Variants in PALLD observed in about 807,000 individuals in gnomAD.
PALLD encodes the protein palladin, cytoskeletal associated protein, also known as palladin.
PALLD carries 61 observed loss-of-function variants against 123.5 expected under a neutral mutation model. The ratio of observed to expected loss-of-function variants is 0.49; its 90% CI spans 0.40 to 0.61. The LOEUF is 0.61. Among genes scored for constraint, PALLD ranks in the 20% least tolerant of loss-of-function variants. The pLI is 0.00. For missense variants in PALLD, 1,273 were observed against 1,377.0 expected, an observed-to-expected ratio of 0.92 and a Z score of 1.20; for synonymous variants, 465 against 496.4, an observed-to-expected ratio of 0.94 and a Z score of 0.84.
chr4:168,574,392 T>G (rs1769312734), intron 2 of PALLD, among the ~76,000 whole-genome samples: 1 of 152,166 alleles, frequency 6.6e-6, no homozygotes, highest in Non-Finnish European at 1.5e-5. Flanking sequence ...GGTTAAAATG[T>G]TCCAGTAGCT....
rs1003768173 is a variant in PALLD at position 168,739,563 on chromosome 4, G to T, written c.1964+27640G>T. ...ATATTTCAGAATAGCTAGTAGACAG[G>T]ATTTGAAATGTTCCCAACACAGAAA... On this transcript the variant is annotated intron_variant, in intron 10 of 21. Transcript: ENST00000505667. Among the ~76,000 whole-genome samples the T allele has an allele frequency of 1.2e-4, 18 of 152,302 alleles. No homozygotes were observed. The Middle Eastern group carries it at 0.01, about 86-fold the overall frequency.
chr4:168,536,985 G>A (rs1310969020), intron 2 of PALLD, among the ~76,000 whole-genome samples: 2 of 151,980 alleles, frequency 1.3e-5, no homozygotes, highest in South Asian at 2.1e-4. Flanking sequence ...CTGCCACCAC[G>A]CCCGGCTAAT....
chr4:168,757,172 G>GTT (rs1469515288), intron 10 of PALLD, among the ~76,000 whole-genome samples: 1 of 152,202 alleles, frequency 6.6e-6, no homozygotes, highest in East Asian at 1.9e-4. Flanking sequence ...ACAAACAGAT[G>GTT]TTTCAAGGAA....
At chr4:168,605,809 G>A (rs889247554) in intron 2 of PALLD, among the ~76,000 whole-genome samples, 4 of 152,210 alleles carry the variant, frequency 2.6e-5, no homozygotes, top group African/African-American at 7.2e-5. Flanking sequence ...TGTAAGTAGT[G>A]TAAAAGATAT....
At chr4:168,565,660 C>T (rs946260058) in intron 2 of PALLD, among the ~76,000 whole-genome samples, 18 of 152,224 alleles carry the variant, frequency 1.2e-4, no homozygotes, top group African/African-American at 4.3e-4. Context: ...TGCAGATTTA[C>T]ACTCCGAGAA....
chr4:168,576,285 G>A (rs903632398), intron 2 of PALLD, among the ~76,000 whole-genome samples: 3 of 151,282 alleles, frequency 2.0e-5, no homozygotes, highest in African/African-American at 2.4e-5. Flanking sequence ...TGTGCACAAC[G>A]TGCAGTTTAG....
intron 2 of PALLD, among the ~76,000 whole-genome samples, chr4:168,566,532 A>C (rs907956998): frequency 6.6e-6 from 1 of 152,060 alleles, no homozygotes. Flanking sequence ...TCCTAGTCCT[A>C]TGAGTTCCTC....
At chr4:168,521,069 T>C (rs1253640086) in intron 2 of PALLD, among the ~76,000 whole-genome samples, 3 of 152,200 alleles carry the variant, frequency 2.0e-5, no homozygotes, top group Non-Finnish European at 4.4e-5. Context: ...TTAATGTCTT[T>C]TGCTTTGAAT....
chr4:168,705,047 A>G (rs183344523), intron 8 of PALLD, among the ~76,000 whole-genome samples: 1 of 149,648 alleles, frequency 6.7e-6, no homozygotes, highest in Non-Finnish European at 1.5e-5. Flanking sequence ...ATTTCAAAAA[A>G]TTTTTGCCAA....
rs142172428 is a variant in PALLD at position 168,719,174 on chromosome 4, G to A, written c.1964+7251G>A. Among the ~76,000 whole-genome samples the A allele has an allele frequency of 5.2e-3, 785 of 151,458 alleles. 10 individuals are homozygous for A. Among genetic ancestry groups the A allele is most frequent in the African/African-American group, 0.018 (745 of 41,306 alleles). On this transcript the variant is annotated intron_variant, in intron 10 of 21. Transcript: ENST00000505667. ...ACCCGTCTTGTCCTCCCAAAGTGCTGGGATTACAGGCGTGAGCCACTGCTC... is the reference window on the plus strand; with the variant it reads ...ACCCGTCTTGTCCTCCCAAAGTGCTAGGATTACAGGCGTGAGCCACTGCTC...
At position 168,796,531 on chromosome 4, in the gene PALLD, G is replaced by A. The variant is rs6553117; in HGVS notation, c.1964+84608G>A. Reference sequence around the variant, plus strand: ...TAGAAGGGAGTCCATCTGGCTCTCCGCTGGGCCCTGTACTCTTGGCCCAGG... The same window carrying A: ...TAGAAGGGAGTCCATCTGGCTCTCCACTGGGCCCTGTACTCTTGGCCCAGG... On this transcript the variant is annotated intron_variant, in intron 10 of 21. Transcript: ENST00000505667. Among the ~76,000 whole-genome samples the A allele has an allele frequency of 5.2e-3, 798 of 152,224 alleles. 4 individuals carry two copies. The highest frequency in any genetic ancestry group is 0.017 in the African/African-American group (720 of 41,536).
At chr4:168,519,658 G>A (rs1381138127) in intron 2 of PALLD, among the ~76,000 whole-genome samples, 1 of 139,768 alleles carries the variant, frequency 7.2e-6, no homozygotes, top group Non-Finnish European at 1.5e-5. Flanking sequence ...TTGTTTTTAA[G>A]GAAAAAGTCT....
intron 9 of PALLD, among the ~76,000 whole-genome samples, chr4:168,710,721 T>C (rs1416095776): frequency 6.6e-6 from 1 of 152,178 alleles, no homozygotes; most frequent in East Asian, 1.9e-4. Flanking sequence ...GACCCCAGCG[T>C]TTTGATTCCG....
chr4:168,679,995 A>G (rs1241384240), intron 3 of PALLD, among the ~76,000 whole-genome samples: 1 of 152,136 alleles, frequency 6.6e-6, no homozygotes, highest in African/African-American at 2.4e-5. Context: ...CAATGTCAAT[A>G]AAAGACTGGA....
At chr4:168,920,875 T>C (rs901446455) in intron 17 of PALLD, among the ~76,000 whole-genome samples, 1 of 152,092 alleles carries the variant, frequency 6.6e-6, no homozygotes, top group African/African-American at 2.4e-5. Flanking sequence ...AGCTGAGTAT[T>C]TGTTATTATT....
chr4:168,691,909 C>T (rs1035265629), intron 8 of PALLD, among the ~76,000 whole-genome samples: 3 of 152,092 alleles, frequency 2.0e-5, no homozygotes, highest in African/African-American at 4.8e-5. Context: ...AGACATATTG[C>T]GTATTTATGG....
At chr4:168,728,387 G>C (rs1786806521) in intron 10 of PALLD, among the ~76,000 whole-genome samples, 1 of 152,166 alleles carries the variant, frequency 6.6e-6, no homozygotes, top group African/African-American at 2.4e-5. Context: ...TCTTTCAGTA[G>C]GGTTTTATAG....
intron 2 of PALLD, among the ~76,000 whole-genome samples, chr4:168,513,865 G>T (rs533757837): frequency 6.6e-6 from 1 of 152,156 alleles, no homozygotes; most frequent in Non-Finnish European, 1.5e-5. Flanking sequence ...AGCACTTTGG[G>T]AGATTGAGGT....
At chr4:168,899,562 G>C (rs1157565613) in intron 14 of PALLD, among the ~76,000 whole-genome samples, 1 of 152,166 alleles carries the variant, frequency 6.6e-6, no homozygotes, top group African/African-American at 2.4e-5. Context: ...ACCATGAGGA[G>C]AGTTGTGTTA....
Sources: gnomAD v4.1 joint callset for allele counts (sites outside exome capture counted in the v4.1 genomes callset) on GRCh38, gnomAD v4.1.1 for gene constraint, MANE v1.5 for transcripts, NCBI Gene and HGNC (gene_info 2026-07-23, HGNC 2026-07-21) for gene names.